The following SRGAP3 variants were observed in gnomAD, a reference collection of about 807,000 sequenced individuals.
SRGAP3 encodes the protein SLIT-ROBO Rho GTPase-activating protein 3.
In SRGAP3, 39 loss-of-function variants were observed where a neutral mutation model predicts 121.1. The observed-to-expected ratio is 0.32, with a 90% confidence interval of 0.25 to 0.42. The LOEUF is 0.42. Ranked by LOEUF, SRGAP3 falls within the 10% of genes least tolerant of loss-of-function variation. The pLI, the probability that SRGAP3 is intolerant of heterozygous loss-of-function variation, is 1.00. For synonymous variants in SRGAP3, 601 were observed against 570.0 expected (o/e 1.05, Z -0.77); for missense variants, 1,213 against 1,470.6 (o/e 0.82, Z 2.86).
At chr3:9,149,632 C>T (rs565250353) in intron 1 of SRGAP3, among the ~76,000 whole-genome samples, 139 of 152,332 alleles carry the variant, frequency 9.1e-4, no homozygotes, top group South Asian at 5.2e-3. Flanking sequence ...CATGTCTGGG[C>T]TGGCCTGCAG....
At chr3:9,245,755 C>G (rs1953795405) in intron 1 of SRGAP3, among the ~76,000 whole-genome samples, 1 of 152,106 alleles carries the variant, frequency 6.6e-6, no homozygotes, top group Admixed American at 6.5e-5. Context: ...GAAACCCCGT[C>G]TCTACTAAAA....
At chr3:9,244,200 T>A (rs192401699) in intron 1 of SRGAP3, among the ~76,000 whole-genome samples, 1 of 152,208 alleles carries the variant, frequency 6.6e-6, no homozygotes, top group Non-Finnish European at 1.5e-5. Flanking sequence ...TTTTATTTCT[T>A]TCTCTCATTT....
chr3:9,059,332 G>C (rs1426811682), intron 6 of SRGAP3: 2 of 151,470 alleles, frequency 1.3e-5, no homozygotes, highest in African/African-American at 4.8e-5. Context: ...TAAAGGGGCT[G>C]AAAGGGCAAA....
chr3:9,055,123 G>C (rs1370908855), intron 8 of SRGAP3, among the ~76,000 whole-genome samples: 1 of 152,168 alleles, frequency 6.6e-6, no homozygotes, highest in African/African-American at 2.4e-5. Context: ...TCTCTTTCCA[G>C]GTTTGAAAAA....
At chr3:9,025,638 T>TCA (rs1944159894) in intron 13 of SRGAP3, among the ~76,000 whole-genome samples, 1 of 152,208 alleles carries the variant, frequency 6.6e-6, no homozygotes. Context: ...TGTTCTGCCT[T>TCA]CAAGAAGAGC....
At chr3:9,189,194 T>C (rs1275274770) in intron 1 of SRGAP3, among the ~76,000 whole-genome samples, 1 of 152,206 alleles carries the variant, frequency 6.6e-6, no homozygotes, top group African/African-American at 2.4e-5. Flanking sequence ...CTTGTCTCCT[T>C]TCTGCTCCTT....
At chr3:9,318,258 C>G (rs918839996) in intron 3 of SRGAP3, among the ~76,000 whole-genome samples, 2 of 151,842 alleles carry the variant, frequency 1.3e-5, no homozygotes, top group Non-Finnish European at 2.9e-5. Context: ...ACCGACATGT[C>G]CCTCACCTCC....
rs1553574436 is a variant in SRGAP3, at chr3:9,323,798, A to AACAT, written n.442+2211_442+2212insATGT. Among the ~76,000 whole-genome samples, 524 of 148,760 alleles carry AACAT rather than the reference A, an allele frequency of 3.5e-3. 5 individuals carry two copies. Among genetic ancestry groups the AACAT allele is most frequent in the South Asian group, 9.8e-3 (46 of 4,702 alleles). ...CACAAATGTCTCTCCCTGTGTATCT[A>AACAT]ACACACACACACACACACACACACA... is the stretch of plus-strand genomic sequence containing the variant. On this transcript the variant is annotated intron_variant and non_coding_transcript_variant, in intron 3 of 3. Coordinates refer to the SRGAP3 transcript ENST00000490889.
intron 3 of SRGAP3, among the ~76,000 whole-genome samples, chr3:9,080,501 T>C (rs1416052158): frequency 1.3e-5 from 2 of 152,306 alleles, no homozygotes; most frequent in East Asian, 1.9e-4. Context: ...GAACACACTT[T>C]GAGAAACAAT....
intron 1 of SRGAP3, among the ~76,000 whole-genome samples, chr3:9,195,073 G>A (rs373080817): frequency 1.1e-4 from 17 of 152,360 alleles, no homozygotes; most frequent in Admixed American, 7.8e-4. Context: ...TTCCCACCAT[G>A]GCCGACTCCA....
chr3:9,271,700 A>T (rs1954481474), intron 3 of SRGAP3, among the ~76,000 whole-genome samples: 1 of 152,214 alleles, frequency 6.6e-6, no homozygotes, highest in African/African-American at 2.4e-5. Flanking sequence ...TTGAACATAA[A>T]GTGCCCCATT....
chr3:9,097,009 G>C (rs1304569276), intron 3 of SRGAP3, among the ~76,000 whole-genome samples: 1 of 125,656 alleles, frequency 8.0e-6, no homozygotes, highest in African/African-American at 2.9e-5. Context: ...ATATATATTA[G>C]AGACAGGGTC....
chr3:9,254,863 GAGAGAGAGAGAA>G (rs1318592374), intron 3 of SRGAP3, among the ~76,000 whole-genome samples: 17 of 147,844 alleles, frequency 1.1e-4, no homozygotes, highest in East Asian at 3.9e-4. Flanking sequence ...GGGAAGGAAA[GAGAGAGAGAGAA>G]AGAGAGAGAG....
intron 21 of SRGAP3, among the ~76,000 whole-genome samples, chr3:8,990,285 C>T (rs1941957648): frequency 6.6e-6 from 1 of 152,242 alleles, no homozygotes; most frequent in Admixed American, 6.5e-5. Flanking sequence ...CAGCCCTGGA[C>T]ACTGGGGGTG....
chr3:9,212,280 A>G (rs966970757), intron 1 of SRGAP3, among the ~76,000 whole-genome samples: 1 of 152,244 alleles, frequency 6.6e-6, no homozygotes, highest in Non-Finnish European at 1.5e-5. Flanking sequence ...AGACAAAGGT[A>G]TATGTGTGCA....
intron 1 of SRGAP3, chr3:9,125,119 G>A: frequency 1.5e-6 from 1 of 647,248 alleles, no homozygotes; most frequent in Non-Finnish European, 2.6e-6. Context: ...TTTTGCCATT[G>A]ATCTAACCAA....
At chr3:9,071,847 A>T (rs1177505187) in intron 4 of SRGAP3, among the ~76,000 whole-genome samples, 5 of 152,132 alleles carry the variant, frequency 3.3e-5, no homozygotes, top group Non-Finnish European at 7.3e-5. Flanking sequence ...TGTGTCAGGT[A>T]CTATACCAAA....
intron 20 of SRGAP3, among the ~76,000 whole-genome samples, chr3:8,991,744 G>A (rs936447653): frequency 6.6e-6 from 1 of 152,150 alleles, no homozygotes; most frequent in African/African-American, 2.4e-5. Flanking sequence ...GAGGGGAGAG[G>A]GAGAGGGACC....
chr3:9,002,059 C>A (rs1338176266), intron 18 of SRGAP3, among the ~76,000 whole-genome samples: 1 of 152,212 alleles, frequency 6.6e-6, no homozygotes, highest in Non-Finnish European at 1.5e-5. Context: ...TATAAACCAA[C>A]TAGACCTAAC....
Sources: gnomAD v4.1 joint callset for allele counts (sites outside exome capture counted in the v4.1 genomes callset) on GRCh38, gnomAD v4.1.1 for gene constraint, MANE v1.5 for transcripts, NCBI Gene and HGNC (gene_info 2026-07-23, HGNC 2026-07-21) for gene names.